FBXW2: variants seen among roughly 807,000 people sequenced by gnomAD.
FBXW2 encodes F-box and WD repeat domain containing 2, also known as F-box/WD repeat-containing protein 2.
Under a neutral mutation model 46.0 loss-of-function variants are expected in FBXW2, and 12 were observed. That is an observed-to-expected ratio of 0.26 (90% CI 0.17 to 0.42). The LOEUF (loss-of-function observed/expected upper bound fraction) is 0.42. Ranked by LOEUF, FBXW2 falls within the 10% of genes least tolerant of loss-of-function variation. The pLI, the probability that FBXW2 is intolerant of heterozygous loss-of-function variation, is 1.00. For synonymous variants in FBXW2, 203 were observed against 209.6 expected, an observed-to-expected ratio of 0.97 and a Z score of 0.27; for missense variants, 360 against 537.0, an observed-to-expected ratio of 0.67 and a Z score of 3.26.
At chr9:120,768,592 G>A (rs944572580) in intron 7 of FBXW2, among the ~76,000 whole-genome samples, 11 of 152,096 alleles carry the variant, frequency 7.2e-5, no homozygotes, top group Admixed American at 4.6e-4. Context: ...TTTGGGAGGC[G>A]GGTGGATCAC....
At position 120,760,844 on chromosome 9, in the gene FBXW2, A is replaced by G. The variant is rs1379796315; in HGVS notation, c.*3715T>C. On this transcript the variant is annotated 3_prime_UTR_variant, in exon 8 of 8. Transcript: ENST00000608872. ...CCTCATGTCTAAAATACTGTTTCCGAAAGTTATTTCTTTTGTTTTACAAAT... is the reference window on the plus strand; with the variant it reads ...CCTCATGTCTAAAATACTGTTTCCGGAAGTTATTTCTTTTGTTTTACAAAT... 1 of 152,162 alleles carries G rather than the reference A, an allele frequency of 6.6e-6. No homozygotes were observed. The highest frequency in any genetic ancestry group is 2.4e-5 in the African/African-American group (1 of 41,428). The allele number at this position is 152,162 out of a possible 1,614,324, so 9.4% of individuals were successfully genotyped here. A position where few individuals can be genotyped will look rare whatever the true frequency, so the allele number is the denominator to read the frequency against.
chr9:120,771,794 C>G (rs1244529003), intron 6 of FBXW2, among the ~76,000 whole-genome samples: 2 of 152,132 alleles, frequency 1.3e-5, no homozygotes, highest in South Asian at 4.1e-4. Context: ...CACGGTGGCT[C>G]GCGCCTGTAA....
intron 7 of FBXW2, among the ~76,000 whole-genome samples, chr9:120,769,889 T>C (rs2044340109): frequency 6.6e-6 from 1 of 152,246 alleles, no homozygotes; most frequent in African/African-American, 2.4e-5. Context: ...GTCTTTTTTC[T>C]CAAAGCATAA....
At chr9:120,782,512 C>T (rs2131352639) in intron 3 of FBXW2, among the ~76,000 whole-genome samples, 1 of 151,154 alleles carries the variant, frequency 6.6e-6, no homozygotes, top group East Asian at 2.0e-4. Flanking sequence ...TGTTTTGCCA[C>T]AGGCTGTGGG....
rs1564448578 is a variant in FBXW2 at position 120,764,805 on chromosome 9, G to A, written c.1119C>T (p.Gly373=). 3.1e-6 allele frequency: 5 copies of A among 1,601,996 alleles called. No individual in the cohort carries two copies. The highest frequency in any genetic ancestry group is 3.4e-6 in the Non-Finnish European group (4 of 1,172,176). The change falls in exon 8 of 8, where the codon GGC becomes GGT. Residue 373 remains glycine (G), a synonymous_variant. Transcript: ENST00000608872. ...TPEIANLALL[G]FGDIFALLFD... Reference sequence around the variant, plus strand: ...ACAGCAGGGCAAAGATATCTCCAAAGCCAAGCAAGGCCAAGTTTGCTATCT... The same window carrying A: ...ACAGCAGGGCAAAGATATCTCCAAAACCAAGCAAGGCCAAGTTTGCTATCT...
intron 5 of FBXW2, 51 bp from the exon 6 acceptor site, chr9:120,772,891 A>G: frequency 8.1e-7 from 1 of 1,230,170 alleles, no homozygotes; most frequent in South Asian, 1.3e-5. Flanking sequence ...CTGCTCCTAT[A>G]ATGATTTTAT....
chr9:120,793,416 T>C lies in FBXW2; in HGVS notation c.-192A>G, dbSNP rs926363822. 2.5e-6 allele frequency: 1 copy of C among 398,572 alleles called. No homozygotes were observed. The highest frequency in any genetic ancestry group is 4.4e-6 in the Non-Finnish European group (1 of 226,300). 24.7% of individuals were successfully genotyped at this position (398,572 alleles called of 1,614,324 possible). On this transcript the variant is annotated 5_prime_UTR_variant, in exon 1 of 8. Coordinates refer to ENST00000608872, the MANE Select transcript of FBXW2 (RefSeq NM_012164.4). ...CAGGGGAGCGGCTTCCGGTGCTGCC[T>C]GCGTCATCTCCGCGCGTCCCTCAGC...
chr9:120,781,364 A>C (rs2044607895), intron 3 of FBXW2, among the ~76,000 whole-genome samples: 1 of 152,194 alleles, frequency 6.6e-6, no homozygotes, highest in African/African-American at 2.4e-5. Flanking sequence ...TCTAGGAGTT[A>C]TTTACAATGC....
intron 3 of FBXW2, among the ~76,000 whole-genome samples, chr9:120,780,918 T>C (rs2044597925): frequency 6.6e-6 from 1 of 152,144 alleles, no homozygotes; most frequent in African/African-American, 2.4e-5. Context: ...ACTGAATTTA[T>C]GACCATGCTC....
intron 7 of FBXW2, among the ~76,000 whole-genome samples, chr9:120,767,268 A>G (rs1402084086): frequency 1.3e-5 from 2 of 152,244 alleles, no homozygotes; most frequent in Admixed American, 1.3e-4. Flanking sequence ...CTAAGAAAAT[A>G]GTTAACAGGT....
intron 4 of FBXW2, 67 bp downstream of exon 4, chr9:120,778,284 C>A: frequency 9.0e-6 from 12 of 1,326,600 alleles, no homozygotes; most frequent in South Asian, 3.0e-5. Flanking sequence ...AAGCATTTCA[C>A]ATTCTTGGCT....
rs2044145788 is a variant in FBXW2 at position 120,757,609 on chromosome 9, A to T, written c.*6950T>A. On this transcript the variant is annotated 3_prime_UTR_variant, in exon 8 of 8. Transcript: ENST00000608872. ...ACAAAACAATGATTTGCAGTACATAAATCCATACACATGTGCATAAGGATT... is the reference window on the plus strand; with the variant it reads ...ACAAAACAATGATTTGCAGTACATATATCCATACACATGTGCATAAGGATT... 1 of 152,256 alleles carries T rather than the reference A, an allele frequency of 6.6e-6. No homozygotes were observed. Among genetic ancestry groups the T allele is most frequent in the Non-Finnish European group, 1.5e-5 (1 of 68,048 alleles). The allele number at this position is 152,256 out of a possible 1,614,324, so 9.4% of individuals were successfully genotyped here.
intron 2 of FBXW2, among the ~76,000 whole-genome samples, chr9:120,791,582 C>G (rs551178085): frequency 6.6e-6 from 1 of 152,274 alleles, no homozygotes; most frequent in East Asian, 1.9e-4. Flanking sequence ...GTTAGTTTTA[C>G]TACTATGAAC....
chr9:120,764,415 G>T lies in FBXW2; in HGVS notation c.*144C>A. 1 of 979,546 alleles carries T rather than the reference G, an allele frequency of 1.0e-6. No individual in the cohort carries two copies. Among genetic ancestry groups the T allele is most frequent in the Non-Finnish European group, 1.5e-6 (1 of 662,808 alleles). The allele number at this position is 979,546 out of a possible 1,614,324, so 60.7% of individuals were successfully genotyped here. A position where few individuals can be genotyped will look rare whatever the true frequency, so the allele number is the denominator to read the frequency against. On this transcript the variant is annotated 3_prime_UTR_variant, in exon 8 of 8. Transcript: ENST00000608872. ...CCCCCACCCCGAGCCCTGGCCCCTGGCAAAACATAGATAAATGATTGTGCA... is the reference window on the plus strand; with the variant it reads ...CCCCCACCCCGAGCCCTGGCCCCTGTCAAAACATAGATAAATGATTGTGCA...
intron 4 of FBXW2, among the ~76,000 whole-genome samples, chr9:120,777,265 T>C (rs2044516392): frequency 1.3e-5 from 2 of 152,224 alleles, no homozygotes; most frequent in Non-Finnish European, 2.9e-5. Context: ...CCTTCAAATA[T>C]TAATTTCTAA....
In FBXW2 at chr9:120,763,643, T is replaced by C. The variant is rs1215953487; in HGVS notation, c.*916A>G. 1 of 152,180 alleles carries C rather than the reference T, an allele frequency of 6.6e-6. No individual in the cohort carries two copies. Among genetic ancestry groups the C allele is most frequent in the African/African-American group, 2.4e-5 (1 of 41,462 alleles). The allele number at this position is 152,180 out of a possible 1,614,324, so 9.4% of individuals were successfully genotyped here. On this transcript the variant is annotated 3_prime_UTR_variant, in exon 8 of 8. Transcript: ENST00000608872. ...ATATTATCCGACCTGAAAGAAACCA[T>C]GAATCAGGGATCAGACAAAAATACA...
chr9:120,782,519 T>G (rs116625516), intron 3 of FBXW2, among the ~76,000 whole-genome samples: 1 of 150,244 alleles, frequency 6.7e-6, no homozygotes, highest in Non-Finnish European at 1.5e-5. Flanking sequence ...CCACAGGCTG[T>G]GGGGGAAGGG....
chr9:120,759,966 G>C lies in FBXW2; in HGVS notation c.*4593C>G, dbSNP rs2044172301. On this transcript the variant is annotated 3_prime_UTR_variant, in exon 8 of 8. Coordinates refer to ENST00000608872, the MANE Select transcript of FBXW2 (RefSeq NM_012164.4). The stretch of plus-strand genomic sequence containing the variant: ...CATTTGAGGATTTATTCTGAAAAAA[G>C]TTTACTTTCCTAGAGCAGGCATGGG... 1.3e-5 allele frequency: 2 copies of C among 152,208 alleles called. No individual in the cohort carries two copies. The highest frequency in any genetic ancestry group is 4.1e-4 in the South Asian group (2 of 4,832). 9.4% of individuals were successfully genotyped at this position (152,208 alleles called of 1,614,324 possible). A position where few individuals can be genotyped will look rare whatever the true frequency, so the allele number is the denominator to read the frequency against.
chr9:120,781,621 A>G (rs1353338201), intron 3 of FBXW2, among the ~76,000 whole-genome samples: 5 of 144,186 alleles, frequency 3.5e-5, no homozygotes, highest in African/African-American at 7.6e-5. Context: ...TACATGGAAT[A>G]TATTTTATAT....
Sources: allele counts gnomAD v4.1 joint callset (sites outside exome capture counted in the v4.1 genomes callset), GRCh38; gene constraint gnomAD v4.1.1; transcripts MANE v1.5; gene names NCBI Gene and HGNC (gene_info 2026-07-23, HGNC 2026-07-21).